LARP4B: variants seen among roughly 807,000 people sequenced by gnomAD.
The protein encoded by LARP4B is La ribonucleoprotein 4B.
In LARP4B, 12 loss-of-function variants were observed where a neutral mutation model predicts 89.8. The observed-to-expected ratio is 0.13, with a 90% CI of 0.09 to 0.22. The LOEUF is 0.22. Among genes scored for constraint, LARP4B ranks in the 10% least tolerant of loss-of-function variants. The pLI is 1.00. For missense variants in LARP4B, 757 were observed against 947.7 expected (o/e 0.80, Z 2.64); for synonymous variants, 367 against 363.3 (o/e 1.01, Z -0.12).
chr10:831,051 C>CA (rs1431825067), intron 8 of LARP4B, 74 bp from the exon 9 acceptor site: 1 of 625,046 alleles, frequency 1.6e-6, no homozygotes, highest in Non-Finnish European at 2.8e-6. Context: ...ATTTTTTTAA[C>CA]AAATGCATTC....
chr10:816,872 C>T (rs1832089786), intron 15 of LARP4B, among the ~76,000 whole-genome samples: 1 of 152,160 alleles, frequency 6.6e-6, no homozygotes, highest in South Asian at 2.1e-4. Context: ...ATGGTTCTAT[C>T]TACTGCGGGG....
chr10:849,418 T>A (rs1392626892), intron 5 of LARP4B, among the ~76,000 whole-genome samples: 1 of 151,956 alleles, frequency 6.6e-6, no homozygotes, highest in Non-Finnish European at 1.5e-5. Flanking sequence ...GAAGAACAAT[T>A]TGAGCAACAA....
rs905928195 is a variant in LARP4B, at chr10:817,825, G to C, written c.1595C>G (p.Ser532Cys). ...PPSPSFELGL[S>C]SFPPLPGAAG... Reference sequence around the variant, plus strand: ...AGCTCCAGGTAATGGAGGGAAGCTGGACAGCCCCAGCTCGAAGCTTGGCGA... The same window carrying C: ...AGCTCCAGGTAATGGAGGGAAGCTGCACAGCCCCAGCTCGAAGCTTGGCGA... The change falls in exon 15 of 18, where the codon TCC becomes TGC. Residue 532 changes from serine (S) to cysteine (C), a missense_variant. Physicochemically the swap from Ser to Cys is moderately radical, Grantham distance 112 (BLOSUM62 -1). Transcript: ENST00000316157. The C allele has an allele frequency of 1.2e-5, 19 of 1,614,098 alleles. No homozygotes were observed. The highest frequency in any genetic ancestry group is 1.6e-5 in the Non-Finnish European group (19 of 1,180,052).
In LARP4B at chr10:884,435, A is replaced by G. The variant is rs1459954864; in HGVS notation, c.141+12T>C. 1 of 1,569,674 alleles carries G rather than the reference A, an allele frequency of 6.4e-7. No individual in the cohort carries two copies. Among genetic ancestry groups the G allele is most frequent in the African/African-American group, 1.3e-5 (1 of 74,104 alleles). ...ATTAAAAAATCTGTGATTAATCTCAAAATTGAATTACCTGACTCAAAGGTG... is the reference window on the plus strand; with the variant it reads ...ATTAAAAAATCTGTGATTAATCTCAGAATTGAATTACCTGACTCAAAGGTG... On this transcript the variant is annotated intron_variant, in intron 3 of 17. Transcript: ENST00000316157.
intron 11 of LARP4B, among the ~76,000 whole-genome samples, chr10:828,369 G>T (rs1306709193): frequency 6.6e-6 from 1 of 152,212 alleles, no homozygotes; most frequent in Non-Finnish European, 1.5e-5. Context: ...TTCTGTACAC[G>T]TGTCTCCTTG....
At chr10:821,226 G>A (rs1832335532) in intron 13 of LARP4B, among the ~76,000 whole-genome samples, 1 of 152,170 alleles carries the variant, frequency 6.6e-6, no homozygotes, top group Non-Finnish European at 1.5e-5. Context: ...ATGGTGGTGA[G>A]AATTTTCCCG....
At chr10:832,200 C>T (rs200906957) in intron 8 of LARP4B, among the ~76,000 whole-genome samples, 4 of 152,114 alleles carry the variant, frequency 2.6e-5, no homozygotes, top group Admixed American at 2.0e-4. Context: ...CCCGCCACCG[C>T]GCCCGGCTAA....
At chr10:816,605 C>G (rs568536149) in intron 15 of LARP4B, among the ~76,000 whole-genome samples, 6 of 152,320 alleles carry the variant, frequency 3.9e-5, no homozygotes, top group Non-Finnish European at 7.4e-5. Flanking sequence ...CTCCTCCACT[C>G]AATACCAACG....
At chr10:913,840 C>T (rs1836743493) in intron 1 of LARP4B, among the ~76,000 whole-genome samples, 1 of 152,110 alleles carries the variant, frequency 6.6e-6, no homozygotes, top group Admixed American at 6.5e-5. Flanking sequence ...ACCCAGGAGG[C>T]TGACGTTGCA....
In LARP4B at chr10:843,078, G is replaced by A; in HGVS notation, c.510-10C>T. On this transcript the variant is annotated splice_polypyrimidine_tract_variant and intron_variant, in intron 6 of 17. Transcript: ENST00000316157. ...ACTAGCAAGGTTCTCCCTGTTGAAA[G>A]AAAACAATCTCTTTTAATCAGTATT... The A allele has an allele frequency of 6.2e-7, 1 of 1,611,168 alleles. No individual in the cohort carries two copies. Among genetic ancestry groups the A allele is most frequent in the Non-Finnish European group, 8.5e-7 (1 of 1,178,370 alleles).
At chr10:940,495 G>A in the LARP4B span, among the ~76,000 whole-genome samples, 1 of 152,236 alleles carries the variant, frequency 6.6e-6, no homozygotes, top group Non-Finnish European at 1.5e-5. Flanking sequence ...TGCCATGTTA[G>A]CCAGGCTCGT....
chr10:817,024 C>A (rs1472991850), intron 15 of LARP4B, among the ~76,000 whole-genome samples: 1 of 152,154 alleles, frequency 6.6e-6, no homozygotes, highest in Admixed American at 6.5e-5. Flanking sequence ...ACAGGGGACA[C>A]CGGCAACCTG....
intron 5 of LARP4B, among the ~76,000 whole-genome samples, chr10:848,594 G>A (rs1221007234): frequency 1.3e-5 from 2 of 150,986 alleles, no homozygotes; most frequent in Non-Finnish European, 2.9e-5. Flanking sequence ...AACTTATAGA[G>A]ATGAAAACTC....
chr10:913,480 A>T (rs1033535864), intron 1 of LARP4B, among the ~76,000 whole-genome samples: 1 of 152,052 alleles, frequency 6.6e-6, no homozygotes, highest in Non-Finnish European at 1.5e-5. Flanking sequence ...TTTGGTAAAT[A>T]AAGATTAGTT....
intron 11 of LARP4B, among the ~76,000 whole-genome samples, chr10:826,658 T>C (rs563363673): frequency 2.0e-5 from 3 of 152,308 alleles, no homozygotes; most frequent in Admixed American, 6.5e-5. Flanking sequence ...TCTGGACCCA[T>C]GGTTTCCAAT....
At chr10:920,142 G>C (rs1454366390) in intron 1 of LARP4B, among the ~76,000 whole-genome samples, 1 of 152,158 alleles carries the variant, frequency 6.6e-6, no homozygotes, top group African/African-American at 2.4e-5. Flanking sequence ...CCACAGCGGA[G>C]GGTGCGCCTT....
the LARP4B span, among the ~76,000 whole-genome samples, chr10:950,841 C>G: frequency 6.0e-5 from 9 of 149,720 alleles, no homozygotes; most frequent in Non-Finnish European, 8.9e-5. Flanking sequence ...TGTCATGTAT[C>G]CTGTGATCCT....
In LARP4B at chr10:822,295, C is replaced by T. The variant is rs1832392771; in HGVS notation, c.1485-1450G>A. On this transcript the variant is annotated intron_variant, in intron 13 of 17. Coordinates refer to ENST00000316157, the MANE Select transcript of LARP4B (RefSeq NM_015155.3). This position sits in a 1 kb window ranked among gnomAD's most constrained non-coding sequence, Gnocchi z 4.6. The stretch of plus-strand genomic sequence containing the variant: ...CACCTGCTTGCCCAGAGGCATTGCC[C>T]TGAGCGCTGGACAGAGGGACAGCAG... Among the ~76,000 whole-genome samples the T allele has an allele frequency of 6.6e-6, 1 of 152,222 alleles. No individual in the cohort carries two copies. Among genetic ancestry groups the T allele is most frequent in the Non-Finnish European group, 1.5e-5 (1 of 68,030 alleles).
intron 14 of LARP4B, chr10:818,588 A>G (rs940977312): frequency 6.6e-6 from 1 of 152,278 alleles, no homozygotes; most frequent in African/African-American, 2.4e-5. Context: ...ATCTCAGAAG[A>G]AAGGCAGTAA....
Sources: gnomAD v4.1 joint callset for allele counts (sites outside exome capture counted in the v4.1 genomes callset) on GRCh38, gnomAD v4.1.1 for gene constraint, Gnocchi (gnomAD v3.1) non-coding constraint, MANE v1.5 for transcripts, NCBI Gene and HGNC (gene_info 2026-07-23, HGNC 2026-07-21) for gene names.